Variants in SCHIP1 observed in about 807,000 individuals in gnomAD.
The protein encoded by SCHIP1 is schwannomin-interacting protein 1.
In SCHIP1, 8 loss-of-function variants were observed where a neutral mutation model predicts 29.7. That is an observed-to-expected ratio of 0.27 (90% CI 0.16 to 0.49). SCHIP1 has a LOEUF of 0.49. Ranked by LOEUF, SCHIP1 falls within the 20% of genes least tolerant of loss-of-function variation. The probability of loss-of-function intolerance (pLI) is 0.99; values close to 1 mark genes in which losing one functional copy is unlikely to be tolerated. For missense variants in SCHIP1, 193 were observed against 294.6 expected, an observed-to-expected ratio of 0.66 and a Z score of 2.52; for synonymous variants, 76 against 94.9, an observed-to-expected ratio of 0.80 and a Z score of 1.16.
the SCHIP1 span, among the ~76,000 whole-genome samples, chr3:159,365,440 C>T: frequency 1.3e-5 from 2 of 151,922 alleles, no homozygotes; most frequent in African/African-American, 4.8e-5. Context: ...ACTCTTTATC[C>T]CTTTGTCTTG....
At chr3:159,517,923 T>C in the SCHIP1 span, among the ~76,000 whole-genome samples, 2 of 152,106 alleles carry the variant, frequency 1.3e-5, no homozygotes, top group African/African-American at 2.4e-5. Context: ...CATTTGGAAC[T>C]ATGCAGATTT....
the SCHIP1 span, among the ~76,000 whole-genome samples, chr3:159,582,785 T>TACACAC: frequency 0.022 from 1,793 of 80,410 alleles, 25 homozygotes; most frequent in Middle Eastern, 0.035. Flanking sequence ...GAAATATATA[T>TACACAC]ATACACACAC....
chr3:159,525,961 C>A, the SCHIP1 span, among the ~76,000 whole-genome samples: 1 of 152,116 alleles, frequency 6.6e-6, no homozygotes, highest in African/African-American at 2.4e-5. Flanking sequence ...TATTTAATTC[C>A]TTGTAGTAAC....
the SCHIP1 span, among the ~76,000 whole-genome samples, chr3:159,704,818 T>C: frequency 6.6e-6 from 1 of 152,150 alleles, no homozygotes; most frequent in Non-Finnish European, 1.5e-5. Context: ...ATTTTCTTTC[T>C]TTCTTTCTTT....
At chr3:159,888,165 A>G (rs1717142052) in intron 4 of SCHIP1, 1 of 506,114 alleles carries the variant, frequency 2.0e-6, no homozygotes, top group African/African-American at 1.9e-5. Context: ...ATTAGCTGCC[A>G]CGGGAATATT....
the SCHIP1 span, among the ~76,000 whole-genome samples, chr3:159,614,605 C>T: frequency 6.6e-6 from 1 of 152,162 alleles, no homozygotes; most frequent in African/African-American, 2.4e-5. Flanking sequence ...ATGTTTTCTT[C>T]ATCCCTAACC....
the SCHIP1 span, among the ~76,000 whole-genome samples, chr3:159,298,544 G>A: frequency 6.6e-6 from 1 of 152,118 alleles, no homozygotes; most frequent in Non-Finnish European, 1.5e-5. Context: ...CTTATGTTTG[G>A]AGCATTTATT....
the SCHIP1 span, among the ~76,000 whole-genome samples, chr3:159,739,397 A>G: frequency 6.6e-6 from 1 of 152,248 alleles, no homozygotes; most frequent in Non-Finnish European, 1.5e-5. Context: ...AAGCTTTTTC[A>G]GTGTCCACAA....
the SCHIP1 span, among the ~76,000 whole-genome samples, chr3:159,465,637 T>C: frequency 6.6e-6 from 1 of 152,134 alleles, no homozygotes; most frequent in African/African-American, 2.4e-5. Flanking sequence ...TTGCAATAAA[T>C]ATTTCTATAC....
the SCHIP1 span, among the ~76,000 whole-genome samples, chr3:159,554,404 T>G: frequency 1.3e-5 from 2 of 152,196 alleles, no homozygotes; most frequent in African/African-American, 2.4e-5. Flanking sequence ...GTGCTATTTG[T>G]CTTTTTGGCC....
At chr3:159,805,419 A>T in the SCHIP1 span, among the ~76,000 whole-genome samples, 1 of 152,194 alleles carries the variant, frequency 6.6e-6, no homozygotes. Flanking sequence ...TGACACACTC[A>T]CACACACAAG....
At chr3:159,847,230 C>T (rs901667528) in intron 1 of SCHIP1, among the ~76,000 whole-genome samples, 4 of 152,162 alleles carry the variant, frequency 2.6e-5, no homozygotes, top group Admixed American at 2.6e-4. Flanking sequence ...AAAGTAGAGA[C>T]ACCCTATTCA....
At chr3:159,396,285 C>T in the SCHIP1 span, among the ~76,000 whole-genome samples, 2 of 151,348 alleles carry the variant, frequency 1.3e-5, no homozygotes, top group African/African-American at 4.9e-5. Flanking sequence ...ATTTGCCAGT[C>T]TGCGTCTTTT....
chr3:159,893,112 T>G (rs528084937), intron 6 of SCHIP1: 1 of 152,272 alleles, frequency 6.6e-6, no homozygotes, highest in Non-Finnish European at 1.5e-5. Flanking sequence ...ACCATAGACC[T>G]CATCTCAATG....
chr3:159,853,155 GA>G, intron 1 of SCHIP1: 2 of 415,454 alleles, frequency 4.8e-6, no homozygotes, highest in Non-Finnish European at 4.3e-6. Flanking sequence ...GTGAGCCTCA[GA>G]AAACAGCAGC....
the SCHIP1 span, among the ~76,000 whole-genome samples, chr3:159,406,777 T>C: frequency 6.7e-3 from 1,017 of 152,334 alleles, 10 homozygotes; most frequent in South Asian, 0.033. Context: ...TTTTTATTAA[T>C]TTTCACTTTG....
chr3:159,811,983 T>TTTG, the SCHIP1 span, among the ~76,000 whole-genome samples: 6 of 151,094 alleles, frequency 4.0e-5, no homozygotes, highest in Non-Finnish European at 7.4e-5. Flanking sequence ...TGTTTTTGTT[T>TTTG]TTTTTTTTGG....
At chr3:159,277,375 A>T in the SCHIP1 span, among the ~76,000 whole-genome samples, 6 of 152,146 alleles carry the variant, frequency 3.9e-5, no homozygotes, top group African/African-American at 1.4e-4. Context: ...ATTCATACAA[A>T]TTTGCTTATG....
the SCHIP1 span, chr3:159,309,010 A>G: frequency 3.3e-5 from 5 of 152,202 alleles, no homozygotes; most frequent in South Asian, 6.2e-4. Context: ...ACTGTGGACT[A>G]TGAGAGGGTG....
Sources: allele counts gnomAD v4.1 joint callset (sites outside exome capture counted in the v4.1 genomes callset), GRCh38; gene constraint gnomAD v4.1.1; transcripts MANE v1.5; gene names NCBI Gene and HGNC (gene_info 2026-07-23, HGNC 2026-07-21).